The following PLIN4 variants were observed in gnomAD, a reference collection of about 807,000 sequenced individuals.
PLIN4 encodes perilipin-4.
In PLIN4, 57 loss-of-function variants were observed where a neutral mutation model predicts 52.4. That is an observed-to-expected ratio of 1.09 (90% CI 0.88 to 1.36). The LOEUF (loss-of-function observed/expected upper bound fraction) is 1.36. PLIN4 is among the 40% of genes most tolerant of loss of function. The pLI is 0.00. For missense variants in PLIN4, 1,757 were observed against 1,770.3 expected (o/e 0.99, Z 0.13); for synonymous variants, 826 against 785.4 (o/e 1.05, Z -0.86).
chr19:4,511,745 C>T lies in PLIN4; in HGVS notation c.2215G>A (p.Gly739Ser), dbSNP rs74627313. 8.5e-3 allele frequency: 13,563 copies of T among 1,592,112 alleles called. 55 individuals are homozygous for T. In the African/African-American group the frequency reaches 0.15, roughly 18 times the overall value. ...TKDTVCSGVT[G>S]AANVAKGAIQ... ...GCCCCTTTGGCCACATTCGCAGCACCGGTCACCCCACTGCAGACGGTGTCC... is the reference window on the plus strand; with the variant it reads ...GCCCCTTTGGCCACATTCGCAGCACTGGTCACCCCACTGCAGACGGTGTCC... Residue 739 changes from glycine to serine, a missense_variant, in exon 5 of 8, where the codon GGT (glycine) becomes AGT (serine). Gly to Ser is a moderately conservative substitution (Grantham distance 56). Around this residue, in one of 7 missense-constraint regions of PLIN4, gnomAD observed 96 missense variants for 136.5 expected, o/e 0.70. Transcript: ENST00000301286.
rs770512961 is a variant in PLIN4 at position 4,511,031 on chromosome 19, C to CT, written c.2928dup (p.Gly977ArgfsTer82). The CT allele has an allele frequency of 9.9e-6, 16 of 1,613,322 alleles. No individual in the cohort carries two copies. The East Asian group carries it at 3.1e-4, about 31-fold the overall frequency. On this transcript the variant is annotated frameshift_variant, in exon 5 of 8. Transcript: ENST00000301286. LOFTEE classifies it high-confidence loss of function. Reference sequence around the variant, plus strand: ...GCGTCCACGCCGGTCTGCACGGTTCCTTTGGCCACATTCACTGCCCCCGTG... The same window carrying CT: ...GCGTCCACGCCGGTCTGCACGGTTCCTTTTGGCCACATTCACTGCCCCCGTG...
intron 6 of PLIN4, among the ~76,000 whole-genome samples, chr19:4,508,462 T>C (rs1366860719): frequency 6.6e-6 from 1 of 152,168 alleles, no homozygotes; most frequent in Non-Finnish European, 1.5e-5. Flanking sequence ...AGACGGGGTT[T>C]CTCTGTGTTG....
intron 5 of PLIN4, among the ~76,000 whole-genome samples, chr19:4,509,167 C>T (rs1030390979): frequency 1.2e-4 from 18 of 151,194 alleles, no homozygotes; most frequent in Non-Finnish European, 2.1e-4. Flanking sequence ...AAAAATTAGC[C>T]GGGCGTGGTG....
Position 4,511,250 on chromosome 19 carries a change from CT to C in PLIN4, c.2709del (p.Ala905LeufsTer2), listed in dbSNP as rs769460911. 1 of 1,611,064 alleles carries C rather than the reference CT, an allele frequency of 6.2e-7. No homozygotes were observed. Among genetic ancestry groups the C allele is most frequent in the Non-Finnish European group, 8.5e-7 (1 of 1,178,162 alleles). ...GTCCCTTTGGCCAAGTTCACAGCCC[CT>C]GTGAGCCCAGTGGACACGGCATCTT... Reference protein sequence around the residue: ...GTKDAVSTGLTGAVNLAKGTV... With the variant: ...GTKDAVSTGLXGAVNLAKGTV... On this transcript the variant is annotated frameshift_variant, in exon 5 of 8. Coordinates refer to ENST00000301286, the MANE Select transcript of PLIN4 (RefSeq NM_001367868.2). LOFTEE classifies it high-confidence loss of function.
At position 4,512,794 on chromosome 19, in the gene PLIN4, A is replaced by G; in HGVS notation, c.1166T>C (p.Leu389Pro). 6.4e-7 allele frequency: 1 copy of G among 1,564,296 alleles called. No individual in the cohort carries two copies. The highest frequency in any genetic ancestry group is 2.2e-5 in the East Asian group (1 of 44,764). ...NLAKEAIQGG[L>P]DTTKSMVMGT... The stretch of plus-strand genomic sequence containing the variant: ...CATGACCATAGACTTGGTGGTATCC[A>G]GGCCCCCCTGGATGGCCTCTTTGGC... The change falls in exon 5 of 8, where the codon CTG becomes CCG. Residue 389 changes from leucine to proline, a missense_variant. Leu to Pro is a moderately conservative substitution (Grantham distance 98). Around this residue, in one of 7 missense-constraint regions of PLIN4, gnomAD observed 439 missense variants for 406.4 expected, o/e 1.08. Coordinates refer to ENST00000301286, the MANE Select transcript of PLIN4 (RefSeq NM_001367868.2).
At chr19:4,504,826 G>A (rs776149750) in intron 7 of PLIN4, 35 bp downstream of exon 7, 12 of 1,602,532 alleles carry the variant, frequency 7.5e-6, no homozygotes, top group African/African-American at 5.3e-5. Context: ...ACCCATGGGC[G>A]GGGTGGGGGG....
At position 4,512,478 on chromosome 19, in the gene PLIN4, G is replaced by T; in HGVS notation, c.1482C>A (p.Val494=). 1 of 1,583,820 alleles carries T rather than the reference G, an allele frequency of 6.3e-7. No homozygotes were observed. The highest frequency in any genetic ancestry group is 8.6e-7 in the Non-Finnish European group (1 of 1,168,778). ...VQGGLDTTKS[V]LTGTKDAVST... ...ACACAGCATCTTTAGTGCCAGTCAG[G>T]ACAGACTTTGTAGTGTCCAGGCCGC... Residue 494 remains valine, a synonymous_variant, in exon 5 of 8, where the codon GTC becomes GTA. Transcript: ENST00000301286.
Position 4,513,094 on chromosome 19 carries a change from C to A in PLIN4, c.866G>T (p.Gly289Val), listed in dbSNP as rs759809142. 1 of 647,034 alleles carries A rather than the reference C, an allele frequency of 1.5e-6. No homozygotes were observed. The allele number at this position is 647,034 out of a possible 1,614,324, so 40.1% of individuals were successfully genotyped here. A position where few individuals can be genotyped will look rare whatever the true frequency, so the allele number is the denominator to read the frequency against. The change falls in exon 5 of 8, where the codon GGC becomes GTC. Residue 289 changes from glycine (G) to valine (V), a missense_variant. Physicochemically the swap from Gly to Val is moderately radical, Grantham distance 109. This residue lies in a region of PLIN4 where 99 missense variants were observed against 143.4 expected (regional missense o/e 0.69). Transcript: ENST00000301286. ...TAGGACAGTCTTACTGGTGTCCACGCCGGTCTGGATGGTTCCTTTGGCCAC... is the reference window on the plus strand; with the variant it reads ...TAGGACAGTCTTACTGGTGTCCACGACGGTCTGGATGGTTCCTTTGGCCAC... Reference protein sequence around the residue: ...MNVAKGTIQTGVDTSKTVLTG... With the variant: ...MNVAKGTIQTVVDTSKTVLTG...
rs1404826109 is a variant in PLIN4 at position 4,510,801 on chromosome 19, C to T, written c.3159G>A (p.Gln1053=). 1 of 1,604,556 alleles carries T rather than the reference C, an allele frequency of 6.2e-7. No homozygotes were observed. Among genetic ancestry groups the T allele is most frequent in the Non-Finnish European group, 8.5e-7 (1 of 1,173,760 alleles). Residue 1053 remains glutamine (Q), a synonymous_variant, in exon 5 of 8, where the codon CAG becomes CAA. Transcript: ENST00000301286. The part of the protein sequence containing the change: ...GATHTGLSTF[Q]NWLPSTPATS... ...TGGCGGGGGTACTAGGTAACCAGTT[C>T]TGGAAGGTGCTGAGGCCAGTGTGGG...
chr19:4,512,736 T>C lies in PLIN4; in HGVS notation c.1224A>G (p.Thr408=), dbSNP rs112063407. The change falls in exon 5 of 8, where the codon ACA becomes ACG. Residue 408 remains threonine (T), a synonymous_variant. Coordinates refer to ENST00000301286, the MANE Select transcript of PLIN4 (RefSeq NM_001367868.2). The part of the protein sequence containing the change: ...GTKDTMSTGL[T]GAANVAKGAM... ...CCCCCTTGGCCACATTCGCTGCCCC[T>C]GTGAGCCCAGTGGACATCGTGTCTT... The C allele has an allele frequency of 0.25, 382,773 of 1,559,594 alleles. 80,070 individuals carry two copies. The highest frequency in any genetic ancestry group is 0.27 in the Non-Finnish European group (310,230 of 1,159,750).
At chr19:4,509,498 G>A (rs1201117733) in intron 5 of PLIN4, among the ~76,000 whole-genome samples, 1 of 151,456 alleles carries the variant, frequency 6.6e-6, no homozygotes, top group Admixed American at 6.6e-5. Context: ...GGTGGCGGGC[G>A]CCTATAATCG....
chr19:4,506,984 G>T (rs1599737057), intron 6 of PLIN4, among the ~76,000 whole-genome samples: 2 of 152,320 alleles, frequency 1.3e-5, no homozygotes, highest in African/African-American at 2.4e-5. Flanking sequence ...TGGTTCTCTG[G>T]GGTGGGGCCA....
intron 5 of PLIN4, 140 bp downstream of exon 5, chr19:4,510,306 C>A: frequency 2.0e-6 from 2 of 983,222 alleles, no homozygotes; most frequent in Non-Finnish European, 1.3e-6. Flanking sequence ...GCGGAGCTTG[C>A]AGTGAACCGA....
chr19:4,508,858 CT>C lies in PLIN4; in HGVS notation c.3611del (p.Gln1204ArgfsTer8). On this transcript the variant is annotated frameshift_variant, in exon 6 of 8. Transcript: ENST00000301286. LOFTEE classifies it high-confidence loss of function. ...GGCTCACCGCGTGTTCAAATGCCCG[CT>C]GGCGGAAGCTGGGACCCAGGTCACC... ...RLGDLGPSFR[Q>X]RAFEHAVSHL... 3.7e-6 allele frequency: 6 copies of C among 1,612,192 alleles called. No homozygotes were observed. Among genetic ancestry groups the C allele is most frequent in the Non-Finnish European group, 5.1e-6 (6 of 1,179,426 alleles).
chr19:4,506,913 G>T (rs1237955170), intron 6 of PLIN4, among the ~76,000 whole-genome samples: 2 of 152,240 alleles, frequency 1.3e-5, no homozygotes, highest in Non-Finnish European at 2.9e-5. Context: ...ACAGTGACAT[G>T]AGGTGTCCTG....
intron 4 of PLIN4, 128 bp downstream of exon 4, chr19:4,516,489 C>A: frequency 8.7e-7 from 1 of 1,143,090 alleles, no homozygotes; most frequent in South Asian, 1.5e-5. Context: ...ACAGCAGCCC[C>A]CCAGATAGCA....
Position 4,511,606 on chromosome 19 carries a change from A to G in PLIN4, c.2354T>C (p.Met785Thr), listed in dbSNP as rs562810671. The change falls in exon 5 of 8, where the codon ATG becomes ACG. Residue 785 changes from methionine to threonine, a missense_variant. By Grantham distance (81) the Met-to-Thr change is moderately conservative (BLOSUM62 -1). Around this residue, in one of 7 missense-constraint regions of PLIN4, gnomAD observed 96 missense variants for 136.5 expected, o/e 0.70. Coordinates refer to ENST00000301286, the MANE Select transcript of PLIN4 (RefSeq NM_001367868.2). ...KLAKGTVQTGMDTTKTVLTGT... is the reference protein window; with the variant it reads ...KLAKGTVQTGTDTTKTVLTGT... The stretch of plus-strand genomic sequence containing the variant: ...AGTTAACACAGTCTTGGTGGTGTCC[A>G]TGCCGGTCTGGACAGTCCCTTTGGC... 4 of 1,271,924 alleles carry G rather than the reference A, an allele frequency of 3.1e-6. No individual in the cohort carries two copies. The highest frequency in any genetic ancestry group is 2.9e-5 in the South Asian group (2 of 70,096). 78.8% of individuals were successfully genotyped at this position (1,271,924 alleles called of 1,614,324 possible).
chr19:4,502,275 G>T lies in PLIN4; in HGVS notation c.*2184C>A, dbSNP rs7254167. 0.93 allele frequency: 509,046 copies of T among 547,464 alleles called. 239,258 individuals carry two copies. Among genetic ancestry groups the T allele is most frequent in the African/African-American group, 0.98 (50,688 of 51,514 alleles). 33.9% of individuals were successfully genotyped at this position (547,464 alleles called of 1,614,324 possible). A position where few individuals can be genotyped will look rare whatever the true frequency, so the allele number is the denominator to read the frequency against. Reference sequence around the variant, plus strand: ...AGTGGGGGCCTGAGCTGGGGCGCAGGCGGCAGTGTCACTGGGCCCGTTTGG... The same window carrying T: ...AGTGGGGGCCTGAGCTGGGGCGCAGTCGGCAGTGTCACTGGGCCCGTTTGG... On this transcript the variant is annotated 3_prime_UTR_variant, in exon 8 of 8. Transcript: ENST00000301286.
rs200756845 is a variant in PLIN4 at position 4,512,822 on chromosome 19, A to C, written c.1138T>G (p.Leu380Val). 2.4e-5 allele frequency: 37 copies of C among 1,553,818 alleles called. 2 individuals are homozygous for C. Among genetic ancestry groups the C allele is most frequent in the Admixed American group, 3.5e-5 (2 of 57,688 alleles). The change falls in exon 5 of 8, where the codon TTG (leucine) becomes GTG (valine). Residue 380 changes from leucine to valine, a missense_variant. Physicochemically the swap from Leu to Val is conservative, Grantham distance 32. Around this residue, in one of 7 missense-constraint regions of PLIN4, gnomAD observed 439 missense variants for 406.4 expected, o/e 1.08. Coordinates refer to ENST00000301286, the MANE Select transcript of PLIN4 (RefSeq NM_001367868.2). ...CCCCCCTGGATGGCCTCTTTGGCCA[A>C]GTTCACGGCACCGGTCACCCCACTG... Reference protein sequence around the residue: ...VCSGVTGAVNLAKEAIQGGLD... With the variant: ...VCSGVTGAVNVAKEAIQGGLD...
Sources: allele counts gnomAD v4.1 joint callset (sites outside exome capture counted in the v4.1 genomes callset), GRCh38; gene constraint gnomAD v4.1.1; regional missense constraint gnomAD v4.1.1; transcripts MANE v1.5; gene names NCBI Gene and HGNC (gene_info 2026-07-23, HGNC 2026-07-21).